The following ABCC4 variants were observed in gnomAD, a reference collection of about 807,000 sequenced individuals.
ABCC4 encodes ATP-binding cassette sub-family C member 4.
Under a neutral mutation model 168.5 loss-of-function variants are expected in ABCC4, and 102 were observed. That is an observed-to-expected ratio of 0.61 (90% CI 0.52 to 0.71). The LOEUF (loss-of-function observed/expected upper bound fraction) is 0.71, where lower values mean the gene tolerates loss of function less well. ABCC4 is among the 30% of genes least tolerant of loss of function. The probability of loss-of-function intolerance (pLI) is 0.00; values close to 1 mark genes in which losing one functional copy is unlikely to be tolerated. For missense variants in ABCC4, 1,402 were observed against 1,605.8 expected (o/e 0.87, Z 2.17); for synonymous variants, 617 against 590.7 (o/e 1.04, Z -0.65).
intron 1 of ABCC4, among the ~76,000 whole-genome samples, chr13:95,288,503 C>T (rs1215941948): frequency 6.6e-6 from 1 of 152,078 alleles, no homozygotes. Context: ...ATAAAAAAGG[C>T]ATGATAAAAG....
At chr13:95,184,789 G>A (rs530355347) in intron 11 of ABCC4, among the ~76,000 whole-genome samples, 13 of 152,260 alleles carry the variant, frequency 8.5e-5, no homozygotes, top group Admixed American at 1.3e-4. Context: ...GAAAAATGGC[G>A]TACCATCTTT....
At chr13:95,219,427 G>A (rs2039249373) in intron 4 of ABCC4, among the ~76,000 whole-genome samples, 1 of 152,092 alleles carries the variant, frequency 6.6e-6, no homozygotes. Context: ...ATGGTCTAGG[G>A]TTAGGTCAGA....
chr13:95,039,227 G>A (rs565491892), intron 29 of ABCC4, among the ~76,000 whole-genome samples: 1 of 152,214 alleles, frequency 6.6e-6, no homozygotes, highest in African/African-American at 2.4e-5. Context: ...TACTTAATCC[G>A]AAAATCCAAA....
chr13:95,161,473 T>C (rs2037098465), intron 18 of ABCC4, 138 bp from the exon 19 acceptor site: 3 of 582,014 alleles, frequency 5.2e-6, no homozygotes, highest in Non-Finnish European at 5.4e-6. Context: ...ATAAGTATAA[T>C]GTATTTACAA....
intron 11 of ABCC4, among the ~76,000 whole-genome samples, chr13:95,185,628 C>CATGATAT (rs1566503263): frequency 1.3e-5 from 2 of 152,142 alleles, no homozygotes; most frequent in African/African-American, 4.8e-5. Flanking sequence ...ATGTCCAGGC[C>CATGATAT]ACACTGCACA....
intron 27 of ABCC4, among the ~76,000 whole-genome samples, chr13:95,048,623 T>C (rs1045225667): frequency 2.0e-5 from 3 of 152,210 alleles, no homozygotes; most frequent in African/African-American, 7.2e-5. Context: ...GTGTGGGGAA[T>C]AGAAGGCCCA....
At position 95,177,884 on chromosome 13, in the gene ABCC4, C is replaced by T. The variant is rs1479244766; in HGVS notation, c.1641-91G>A. The T allele has an allele frequency of 1.9e-5, 29 of 1,500,616 alleles. No individual in the cohort carries two copies. The East Asian group carries it at 6.6e-4, about 34-fold the overall frequency. 93.0% of individuals were successfully genotyped at this position (1,500,616 alleles called of 1,614,324 possible). A position where few individuals can be genotyped will look rare whatever the true frequency, so the allele number is the denominator to read the frequency against. ...TTCATTCAAATGCCAACAGAATAAC[C>T]CAAGAAGGTGCTTCACACAGGACGC... On this transcript the variant is annotated intron_variant, in intron 12 of 30. Coordinates refer to ENST00000645237, the MANE Select transcript of ABCC4 (RefSeq NM_005845.5).
intron 9 of ABCC4, among the ~76,000 whole-genome samples, chr13:95,190,785 G>C (rs1326520560): frequency 6.6e-6 from 1 of 152,202 alleles, no homozygotes; most frequent in East Asian, 1.9e-4. Context: ...ATCTTCGTCT[G>C]AATTTCTCGT....
At chr13:95,114,144 T>C (rs2035293806) in intron 20 of ABCC4, among the ~76,000 whole-genome samples, 1 of 152,164 alleles carries the variant, frequency 6.6e-6, no homozygotes, top group Non-Finnish European at 1.5e-5. Flanking sequence ...CAACATTAAG[T>C]TTACCAAGAT....
rs536894626 is a variant in ABCC4 at position 95,079,841 on chromosome 13, A to G, written c.2686+3299T>C. Among the ~76,000 whole-genome samples, 5 of 152,300 alleles carry G rather than the reference A, an allele frequency of 3.3e-5. No homozygotes were observed. In the East Asian group the frequency reaches 9.7e-4, roughly 29 times the overall value. On this transcript the variant is annotated intron_variant, in intron 21 of 30. Coordinates refer to ENST00000645237, the MANE Select transcript of ABCC4 (RefSeq NM_005845.5). ...ACAGAGTGAGACTATGTCTCAAAAAAACAAAAACAAGAAAACAAAAAAAAC... is the reference window on the plus strand; with the variant it reads ...ACAGAGTGAGACTATGTCTCAAAAAGACAAAAACAAGAAAACAAAAAAAAC...
At chr13:95,268,859 G>A (rs954724776) in intron 1 of ABCC4, among the ~76,000 whole-genome samples, 9 of 151,848 alleles carry the variant, frequency 5.9e-5, no homozygotes, top group Non-Finnish European at 7.4e-5. Context: ...GGGTCCTGGC[G>A]CGGGTTCTCC....
intron 11 of ABCC4, among the ~76,000 whole-genome samples, chr13:95,181,485 A>G (rs1294169004): frequency 6.6e-6 from 1 of 151,676 alleles, no homozygotes; most frequent in Non-Finnish European, 1.5e-5. Context: ...AGAAAACATC[A>G]CTCTCTCTTC....
intron 1 of ABCC4, among the ~76,000 whole-genome samples, chr13:95,295,337 G>A (rs1594459524): frequency 1.3e-5 from 2 of 151,678 alleles, no homozygotes; most frequent in Non-Finnish European, 1.5e-5. Flanking sequence ...GCAACACAGC[G>A]AGACCTGGTC....
chr13:95,260,511 T>C (rs2040504567), intron 1 of ABCC4, among the ~76,000 whole-genome samples: 1 of 152,124 alleles, frequency 6.6e-6, no homozygotes, highest in Non-Finnish European at 1.5e-5. Context: ...TATAGTCAGG[T>C]ACCTGGGAAG....
chr13:95,028,683 C>A (rs1285710256), intron 30 of ABCC4, among the ~76,000 whole-genome samples: 1 of 151,522 alleles, frequency 6.6e-6, no homozygotes, highest in Non-Finnish European at 1.5e-5. Context: ...ACGAGAAAAA[C>A]CAAAAAACAA....
At chr13:95,070,483 C>T (rs1594045815) in intron 25 of ABCC4, among the ~76,000 whole-genome samples, 2 of 152,246 alleles carry the variant, frequency 1.3e-5, no homozygotes, top group Admixed American at 1.3e-4. Flanking sequence ...CTGTCCTAGT[C>T]CTAGCCAAGG....
chr13:95,041,338 A>G lies in ABCC4; in HGVS notation c.3735+2344T>C, dbSNP rs117272611. On this transcript the variant is annotated intron_variant, in intron 29 of 30. Transcript: ENST00000645237. The stretch of plus-strand genomic sequence containing the variant: ...CTTTGGAGAGTCAACACATAAACAA[A>G]GCTATTAATTAGGTCGCAGTTGTTT... 2.2e-3 allele frequency among the ~76,000 whole-genome samples: 333 copies of G among 152,362 alleles called. No homozygotes were observed. In the Middle Eastern group the frequency reaches 0.031, roughly 14 times the overall value.
In ABCC4 at chr13:95,188,475, A is replaced by G; in HGVS notation, c.1331T>C (p.Val444Ala). 2 of 1,614,200 alleles carry G rather than the reference A, an allele frequency of 1.2e-6. No individual in the cohort carries two copies. Among genetic ancestry groups the G allele is most frequent in the Non-Finnish European group, 1.7e-6 (2 of 1,180,010 alleles). The change falls in exon 10 of 31, where the codon GTC (valine) becomes GCC (alanine). Residue 444 changes from valine to alanine, a missense_variant. Physicochemically the swap from Val to Ala is moderately conservative, Grantham distance 64. Coordinates refer to ENST00000645237, the MANE Select transcript of ABCC4 (RefSeq NM_005845.5). ...TVRPGELLAVVGPVGAGKSSL... is the reference protein window; with the variant it reads ...TVRPGELLAVAGPVGAGKSSL... ...CACCTTCCCTGCTCCCACGGGGCCG[A>G]CCACAGCTAACAATTCGCCAGGTCT... is the stretch of plus-strand genomic sequence containing the variant.
At chr13:95,044,144 A>G in intron 28 of ABCC4, 122 bp downstream of exon 28, 2 of 1,006,704 alleles carry the variant, frequency 2.0e-6, no homozygotes, top group Non-Finnish European at 2.8e-6. Flanking sequence ...GAATTTATCC[A>G]TGTTAAAATG....
Sources: gnomAD v4.1 joint callset for allele counts (sites outside exome capture counted in the v4.1 genomes callset) on GRCh38, gnomAD v4.1.1 for gene constraint, MANE v1.5 for transcripts, NCBI Gene and HGNC (gene_info 2026-07-23, HGNC 2026-07-21) for gene names.